CIMIP5: variants seen among roughly 807,000 people sequenced by gnomAD.
The protein encoded by CIMIP5 is uncharacterized protein C2orf50.
chr2:11,143,568 CAA>C, the CIMIP5 span, among the ~76,000 whole-genome samples: 18 of 104,502 alleles, frequency 1.7e-4, no homozygotes, highest in East Asian at 2.6e-4. Flanking sequence ...ACAAATTTAC[CAA>C]AAAAAAAAAA....
At chr2:11,140,349 T>G in the CIMIP5 span, among the ~76,000 whole-genome samples, 4 of 140,720 alleles carry the variant, frequency 2.8e-5, no homozygotes, top group Non-Finnish European at 6.0e-5. Flanking sequence ...CACTCCAGCC[T>G]GGGTGACAGA....
the CIMIP5 span, chr2:11,140,415 C>A: frequency 2.8e-6 from 2 of 719,020 alleles, no homozygotes; most frequent in Non-Finnish European, 4.4e-6. Flanking sequence ...AGTTCTTCCA[C>A]GTGATACATT....
At chr2:11,140,487 G>A in the CIMIP5 span, 1 of 1,536,370 alleles carries the variant, frequency 6.5e-7, no homozygotes, top group Non-Finnish European at 8.9e-7. Context: ...AACTCACACA[G>A]CCAACATGTT....
At chr2:11,141,704 C>A in the CIMIP5 span, among the ~76,000 whole-genome samples, 1,379 of 152,246 alleles carry the variant, frequency 9.1e-3, 24 homozygotes, top group African/African-American at 0.031. Flanking sequence ...AGGATGAGGC[C>A]AGGAATGGTG....
chr2:11,139,356 T>C, the CIMIP5 span, among the ~76,000 whole-genome samples: 184 of 152,338 alleles, frequency 1.2e-3, 1 homozygote, highest in African/African-American at 4.3e-3. Flanking sequence ...TGGCAAAGGT[T>C]TGACTCTAGG....
the CIMIP5 span, chr2:11,133,281 GTCTCTC>G: frequency 4.3e-5 from 63 of 1,460,088 alleles, no homozygotes; most frequent in Admixed American, 2.2e-4. Flanking sequence ...TCAGGCACAG[GTCTCTC>G]TCTCTCTCTC....
chr2:11,139,393 G>T, the CIMIP5 span, among the ~76,000 whole-genome samples: 5 of 152,208 alleles, frequency 3.3e-5, no homozygotes, highest in Admixed American at 3.3e-4. Context: ...CTGTGAGGAT[G>T]GGGACAGAGA....
At chr2:11,143,901 A>G in the CIMIP5 span, 2 of 1,552,692 alleles carry the variant, frequency 1.3e-6, no homozygotes, top group Admixed American at 1.9e-5. Context: ...GTGTGACCCG[A>G]GCTGTCCCCT....
chr2:11,140,236 G>A, the CIMIP5 span, among the ~76,000 whole-genome samples: 2 of 151,806 alleles, frequency 1.3e-5, no homozygotes, highest in Non-Finnish European at 2.9e-5. Flanking sequence ...TTAGCCAGGC[G>A]CGGTGGCGGG....
chr2:11,143,086 G>A, the CIMIP5 span, among the ~76,000 whole-genome samples: 2 of 152,106 alleles, frequency 1.3e-5, no homozygotes, highest in African/African-American at 4.8e-5. Context: ...GGCCAAAACA[G>A]CACTACTCAT....
chr2:11,143,672 A>G, the CIMIP5 span, among the ~76,000 whole-genome samples: 2 of 152,116 alleles, frequency 1.3e-5, no homozygotes, highest in South Asian at 4.2e-4. Flanking sequence ...TGATCTCTGC[A>G]GGTCGCAGCA....
the CIMIP5 span, among the ~76,000 whole-genome samples, chr2:11,133,914 C>G: frequency 6.6e-6 from 1 of 152,122 alleles, no homozygotes; most frequent in Non-Finnish European, 1.5e-5. Context: ...GCTGTCTGAC[C>G]TGACTCGGGG....
the CIMIP5 span, among the ~76,000 whole-genome samples, chr2:11,152,491 T>C: frequency 6.6e-6 from 1 of 152,166 alleles, no homozygotes; most frequent in Non-Finnish European, 1.5e-5. Context: ...CCTGTTATAA[T>C]TTTTGCAAAG....
the CIMIP5 span, among the ~76,000 whole-genome samples, chr2:11,139,684 A>G: frequency 1.2e-4 from 18 of 152,066 alleles, no homozygotes; most frequent in African/African-American, 4.4e-4. Context: ...CCATAGTGAC[A>G]TCATATTTGT....
At chr2:11,144,905 C>T in the CIMIP5 span, 1 of 152,044 alleles carries the variant, frequency 6.6e-6, no homozygotes, top group Admixed American at 6.6e-5. Context: ...GCCTTGAACT[C>T]CCGGGCTCAA....
chr2:11,149,077 A>G, the CIMIP5 span, among the ~76,000 whole-genome samples: 3 of 152,196 alleles, frequency 2.0e-5, no homozygotes, highest in Non-Finnish European at 4.4e-5. Context: ...AAATGATAAC[A>G]GAAAAATCAG....
At chr2:11,133,464 G>C in the CIMIP5 span, 1 of 1,609,556 alleles carries the variant, frequency 6.2e-7, no homozygotes. Context: ...GGGTCTTGCT[G>C]GTGGCTGCCA....
chr2:11,144,065 A>C, the CIMIP5 span: 1 of 1,599,594 alleles, frequency 6.3e-7, no homozygotes, highest in South Asian at 1.1e-5. Flanking sequence ...TTCTTCACAG[A>C]AGGGGCCCGG....
chr2:11,149,896 G>A, the CIMIP5 span, among the ~76,000 whole-genome samples: 333 of 152,290 alleles, frequency 2.2e-3, 2 homozygotes, highest in African/African-American at 7.5e-3. Flanking sequence ...GTGAGAAAGT[G>A]CAGAGTGTGG....
Sources: allele counts gnomAD v4.1 joint callset (sites outside exome capture counted in the v4.1 genomes callset), GRCh38; gene constraint gnomAD v4.1.1; transcripts MANE v1.5; gene names NCBI Gene and HGNC (gene_info 2026-07-23, HGNC 2026-07-21).